NUBPL: variants seen among roughly 807,000 people sequenced by gnomAD.
The protein encoded by NUBPL is iron-sulfur cluster transfer protein NUBPL.
NUBPL carries 31 observed loss-of-function variants against 45.7 expected under a neutral mutation model. The ratio of observed to expected loss-of-function variants is 0.68; its 90% CI spans 0.51 to 0.92. NUBPL has a LOEUF of 0.92. NUBPL is among the 40% of genes least tolerant of loss of function. The pLI, the probability that NUBPL is intolerant of heterozygous loss-of-function variation, is 0.00. For synonymous variants in NUBPL, 144 were observed against 140.9 expected, an observed-to-expected ratio of 1.02 and a Z score of -0.15; for missense variants, 401 against 398.7, an observed-to-expected ratio of 1.01 and a Z score of -0.05.
chr14:31,812,908 C>T (rs1277947901), intron 7 of NUBPL, among the ~76,000 whole-genome samples: 5 of 151,784 alleles, frequency 3.3e-5, no homozygotes, highest in African/African-American at 9.7e-5. Context: ...ATCCTAAGCG[C>T]TTTAAAATCC....
intron 6 of NUBPL, among the ~76,000 whole-genome samples, chr14:31,678,664 C>A (rs1300475363): frequency 6.6e-6 from 1 of 152,212 alleles, no homozygotes; most frequent in South Asian, 2.1e-4. Flanking sequence ...ATCCAAGATG[C>A]AAGACAAAGT....
At chr14:31,758,050 G>A (rs1277835085) in intron 6 of NUBPL, among the ~76,000 whole-genome samples, 4 of 152,092 alleles carry the variant, frequency 2.6e-5, no homozygotes, top group African/African-American at 9.7e-5. Flanking sequence ...AGAGCAGGCT[G>A]TCACCATCAC....
chr14:31,651,222 G>A (rs148051845), intron 4 of NUBPL, among the ~76,000 whole-genome samples: 869 of 151,996 alleles, frequency 5.7e-3, no homozygotes, highest in Non-Finnish European at 0.011. Context: ...AACCTCTGCC[G>A]CCTGGGTTCA....
intron 4 of NUBPL, among the ~76,000 whole-genome samples, chr14:31,637,429 T>C (rs1042985421): frequency 6.6e-6 from 1 of 152,204 alleles, no homozygotes; most frequent in Non-Finnish European, 1.5e-5. Flanking sequence ...TGAGTTCTAG[T>C]TTGATTGCAC....
chr14:31,782,642 C>A (rs575366783), intron 6 of NUBPL, among the ~76,000 whole-genome samples: 2 of 151,732 alleles, frequency 1.3e-5, no homozygotes, highest in Non-Finnish European at 2.9e-5. Context: ...AATAGAAAAA[C>A]ATTAGCCAAT....
intron 6 of NUBPL, among the ~76,000 whole-genome samples, chr14:31,721,206 C>A (rs1366092857): frequency 6.6e-6 from 1 of 152,086 alleles, no homozygotes; most frequent in African/African-American, 2.4e-5. Flanking sequence ...GCAAATTGCC[C>A]TGTTTCTCTG....
intron 4 of NUBPL, among the ~76,000 whole-genome samples, chr14:31,659,065 A>G (rs1186334173): frequency 6.6e-6 from 1 of 152,196 alleles, no homozygotes; most frequent in Non-Finnish European, 1.5e-5. Context: ...GGGATTACAT[A>G]AGCTGAGAGA....
intron 6 of NUBPL, among the ~76,000 whole-genome samples, chr14:31,747,938 G>A (rs1311885111): frequency 6.6e-6 from 1 of 151,984 alleles, no homozygotes; most frequent in African/African-American, 2.4e-5. Context: ...GGTGTTTCTT[G>A]ATGGTAAACT....
chr14:31,842,937 C>T (rs1242352184), intron 8 of NUBPL, among the ~76,000 whole-genome samples: 1 of 151,828 alleles, frequency 6.6e-6, no homozygotes. Context: ...AAATAGAAAT[C>T]CTAATGTTTT....
At chr14:31,734,396 A>G (rs980458406) in intron 6 of NUBPL, among the ~76,000 whole-genome samples, 2 of 152,190 alleles carry the variant, frequency 1.3e-5, no homozygotes, top group Non-Finnish European at 2.9e-5. Flanking sequence ...AGTATCTCCA[A>G]TCTAACATAG....
chr14:31,664,404 G>A (rs112316184), intron 4 of NUBPL, among the ~76,000 whole-genome samples: 29 of 152,224 alleles, frequency 1.9e-4, no homozygotes, highest in African/African-American at 5.3e-4. Flanking sequence ...TTTGAGATAC[G>A]TTCCATCAAT....
chr14:31,708,493 C>G (rs554108434), intron 6 of NUBPL, among the ~76,000 whole-genome samples: 4 of 152,288 alleles, frequency 2.6e-5, no homozygotes, highest in African/African-American at 9.6e-5. Flanking sequence ...GTATCCCTCT[C>G]TAATAAGGGT....
At chr14:31,679,490 C>T (rs2036779031) in intron 6 of NUBPL, among the ~76,000 whole-genome samples, 1 of 152,026 alleles carries the variant, frequency 6.6e-6, no homozygotes, top group Non-Finnish European at 1.5e-5. Context: ...ATAGTTTATA[C>T]AGTTATGTTA....
chr14:31,596,180 G>A (rs915981451), intron 3 of NUBPL, among the ~76,000 whole-genome samples: 3 of 152,132 alleles, frequency 2.0e-5, no homozygotes, highest in East Asian at 1.9e-4. Flanking sequence ...TGGGATTACA[G>A]GCGTGAGCCA....
At chr14:31,661,840 C>T (rs1461899691) in intron 4 of NUBPL, among the ~76,000 whole-genome samples, 2 of 152,120 alleles carry the variant, frequency 1.3e-5, no homozygotes, top group Non-Finnish European at 2.9e-5. Context: ...GCACCTGGCC[C>T]ATTTCTGGTA....
At chr14:31,739,401 A>T (rs1035209613) in intron 6 of NUBPL, among the ~76,000 whole-genome samples, 15 of 151,656 alleles carry the variant, frequency 9.9e-5, no homozygotes, top group Non-Finnish European at 1.6e-4. Flanking sequence ...AGAGTTTTTG[A>T]AAATATGTTG....
chr14:31,646,415 G>A (rs2035854272), intron 4 of NUBPL, among the ~76,000 whole-genome samples: 2 of 152,020 alleles, frequency 1.3e-5, no homozygotes, highest in Non-Finnish European at 1.5e-5. Flanking sequence ...TTGAACTCCT[G>A]ACCTCATGTG....
chr14:31,766,163 G>A (rs982908007), intron 6 of NUBPL, among the ~76,000 whole-genome samples: 1 of 152,144 alleles, frequency 6.6e-6, no homozygotes. Flanking sequence ...ATTAAAAATG[G>A]ATGCCAAAGT....
chr14:31,820,055 G>A (rs1157372313), intron 7 of NUBPL, among the ~76,000 whole-genome samples: 2 of 149,582 alleles, frequency 1.3e-5, no homozygotes, highest in Non-Finnish European at 2.9e-5. Context: ...CAGGAGAATG[G>A]CATGAACCCA....
Sources: allele counts gnomAD v4.1 joint callset (sites outside exome capture counted in the v4.1 genomes callset), GRCh38; gene constraint gnomAD v4.1.1; transcripts MANE v1.5; gene names NCBI Gene and HGNC (gene_info 2026-07-23, HGNC 2026-07-21).